Variants in SPON1 observed in about 807,000 individuals in gnomAD.
SPON1 encodes the protein spondin-1.
Under a neutral mutation model 111.7 loss-of-function variants are expected in SPON1, and 52 were observed. The ratio of observed to expected loss-of-function variants is 0.47; its 90% confidence interval spans 0.37 to 0.59. The LOEUF (loss-of-function observed/expected upper bound fraction) is 0.59. Among genes scored for constraint, SPON1 ranks in the 20% least tolerant of loss-of-function variants. The probability of loss-of-function intolerance (pLI) is 0.00; values close to 1 mark genes in which losing one functional copy is unlikely to be tolerated. For missense variants in SPON1, 957 were observed against 1,068.5 expected, an observed-to-expected ratio of 0.90 and a Z score of 1.46; for synonymous variants, 410 against 395.8, an observed-to-expected ratio of 1.04 and a Z score of -0.43.
In SPON1 at chr11:14,116,313, C is replaced by T. The variant is rs1335046568; in HGVS notation, c.677-19107C>T. Among the ~76,000 whole-genome samples, 3 of 152,024 alleles carry T rather than the reference C, an allele frequency of 2.0e-5. No individual in the cohort carries two copies. The East Asian group carries it at 5.8e-4, about 29-fold the overall frequency. ...CTCCATTTAAGAAGTTTTTGCCTAC[C>T]TCAAAGTCGTGAAGATGTTCTCTTG... On this transcript the variant is annotated intron_variant, in intron 5 of 15. Transcript: ENST00000576479.
intron 1 of SPON1, among the ~76,000 whole-genome samples, chr11:13,980,123 C>G (rs1250547260): frequency 6.6e-6 from 1 of 152,092 alleles, no homozygotes; most frequent in Non-Finnish European, 1.5e-5. Flanking sequence ...TCACTGCAAC[C>G]TCTGCCTCCT....
At chr11:13,981,342 T>A (rs1040327125) in intron 1 of SPON1, among the ~76,000 whole-genome samples, 1 of 152,200 alleles carries the variant, frequency 6.6e-6, no homozygotes, top group Non-Finnish European at 1.5e-5. Context: ...GTTTTTGTTT[T>A]TTGAGATGGA....
chr11:14,039,459 A>T (rs782314609), intron 2 of SPON1, among the ~76,000 whole-genome samples: 10 of 152,082 alleles, frequency 6.6e-5, no homozygotes, highest in Non-Finnish European at 1.3e-4. Context: ...GGGACAGGGA[A>T]TATGTGGGAT....
chr11:14,144,634 C>T (rs7941123), intron 6 of SPON1, among the ~76,000 whole-genome samples: 56,698 of 142,920 alleles, frequency 0.4, 11,448 homozygotes, highest in East Asian at 0.55. Context: ...ACTCCATCTC[C>T]AATAATAATA....
chr11:14,070,580 G>A (rs948182816), intron 3 of SPON1, among the ~76,000 whole-genome samples: 2 of 152,174 alleles, frequency 1.3e-5, no homozygotes, highest in African/African-American at 4.8e-5. Flanking sequence ...CACCACAGTA[G>A]GAACTTACAT....
At chr11:14,226,842 T>C (rs1360286761) in intron 6 of SPON1, among the ~76,000 whole-genome samples, 1 of 152,192 alleles carries the variant, frequency 6.6e-6, no homozygotes. Context: ...GCAGCGCTGG[T>C]TCCTTCGGGA....
chr11:14,187,635 G>T (rs1848299402), intron 6 of SPON1, among the ~76,000 whole-genome samples: 2 of 152,114 alleles, frequency 1.3e-5, no homozygotes, highest in South Asian at 4.2e-4. Context: ...TGTTTTTTGA[G>T]TCAGAGTCTC....
In SPON1 at chr11:14,186,231, G is replaced by A. The variant is rs557946337; in HGVS notation, c.825+50663G>A. On this transcript the variant is annotated intron_variant, in intron 6 of 15. Coordinates refer to ENST00000576479, the MANE Select transcript of SPON1 (RefSeq NM_006108.4). Reference sequence around the variant, plus strand: ...AACAACAGTAAATGCATCCAACACAGTGTGTGATTAATTGCCAAATGAATT... The same window carrying A: ...AACAACAGTAAATGCATCCAACACAATGTGTGATTAATTGCCAAATGAATT... 5.3e-5 allele frequency among the ~76,000 whole-genome samples: 8 copies of A among 152,330 alleles called. No individual in the cohort carries two copies. In the South Asian group the frequency reaches 1.4e-3, roughly 28 times the overall value.
At chr11:14,219,461 A>G (rs191465023) in intron 6 of SPON1, among the ~76,000 whole-genome samples, 1 of 152,350 alleles carries the variant, frequency 6.6e-6, no homozygotes, top group East Asian at 1.9e-4. Context: ...ATCGATGCAG[A>G]TGATATGAGT....
intron 6 of SPON1, among the ~76,000 whole-genome samples, chr11:14,180,371 C>T (rs1363792977): frequency 2.6e-5 from 4 of 152,216 alleles, no homozygotes; most frequent in African/African-American, 9.7e-5. Context: ...ACACACACAC[C>T]CTTTGCTTTG....
chr11:14,086,953 T>C (rs1261142986), intron 5 of SPON1, among the ~76,000 whole-genome samples: 1 of 152,246 alleles, frequency 6.6e-6, no homozygotes, highest in Non-Finnish European at 1.5e-5. Context: ...TATAGTATTC[T>C]CTGATGGGAG....
intron 2 of SPON1, among the ~76,000 whole-genome samples, chr11:14,000,241 G>C (rs1316605002): frequency 2.0e-5 from 3 of 152,030 alleles, no homozygotes; most frequent in Admixed American, 1.3e-4. Context: ...GATGCTCTCA[G>C]GTAGCCACAA....
At chr11:13,967,063 G>A (rs1338199766) in intron 1 of SPON1, among the ~76,000 whole-genome samples, 3 of 152,144 alleles carry the variant, frequency 2.0e-5, no homozygotes, top group Non-Finnish European at 2.9e-5. Context: ...GTTTCTGATC[G>A]TTACTGTTTT....
intron 2 of SPON1, among the ~76,000 whole-genome samples, chr11:14,024,127 G>C (rs1848500505): frequency 6.6e-6 from 1 of 152,170 alleles, no homozygotes; most frequent in Non-Finnish European, 1.5e-5. Flanking sequence ...GGAGAATGCA[G>C]ATGGACAGGT....
chr11:14,141,760 G>GT (rs1482299391), intron 6 of SPON1, among the ~76,000 whole-genome samples: 6 of 152,018 alleles, frequency 3.9e-5, no homozygotes, highest in Non-Finnish European at 7.4e-5. Context: ...CTAAACTATT[G>GT]TTTTTTTCTG....
At chr11:14,022,829 A>G (rs1187187574) in intron 2 of SPON1, among the ~76,000 whole-genome samples, 1 of 152,250 alleles carries the variant, frequency 6.6e-6, no homozygotes, top group East Asian at 1.9e-4. Flanking sequence ...GACTTTATCC[A>G]AAGAACGCTT....
chr11:14,022,182 G>A (rs1025944625), intron 2 of SPON1, among the ~76,000 whole-genome samples: 11 of 152,144 alleles, frequency 7.2e-5, no homozygotes, highest in African/African-American at 2.7e-4. Flanking sequence ...AAATGCTTTG[G>A]GAGAAAAGAC....
intron 3 of SPON1, among the ~76,000 whole-genome samples, chr11:14,073,480 C>T (rs1264607366): frequency 2.6e-5 from 4 of 152,148 alleles, no homozygotes; most frequent in Non-Finnish European, 4.4e-5. Context: ...CGTAGGTCCT[C>T]CCATGAGCCC....
At chr11:14,010,024 A>G (rs1848391899) in intron 2 of SPON1, among the ~76,000 whole-genome samples, 1 of 152,178 alleles carries the variant, frequency 6.6e-6, no homozygotes, top group Non-Finnish European at 1.5e-5. Context: ...CTATATTCCC[A>G]GTGCTTAGCA....
Sources: allele counts gnomAD v4.1 joint callset (sites outside exome capture counted in the v4.1 genomes callset), GRCh38; gene constraint gnomAD v4.1.1; transcripts MANE v1.5; gene names NCBI Gene and HGNC (gene_info 2026-07-23, HGNC 2026-07-21).